GALNS: variants seen among roughly 807,000 people sequenced by gnomAD.
GALNS encodes galactosamine (N-acetyl)-6-sulfatase.
Under a neutral mutation model 65.9 loss-of-function variants are expected in GALNS, and 65 were observed. The observed-to-expected ratio is 0.99, with a 90% CI of 0.81 to 1.21. The LOEUF is 1.21. Among genes scored for constraint, GALNS ranks in the 50% most tolerant of loss-of-function variants. The probability of loss-of-function intolerance (pLI) is 0.00; values close to 1 mark genes in which losing one functional copy is unlikely to be tolerated. For synonymous variants in GALNS, 346 were observed against 288.9 expected, an observed-to-expected ratio of 1.20 and a Z score of -2.00; for missense variants, 776 against 700.7, an observed-to-expected ratio of 1.11 and a Z score of -1.21.
intron 1 of GALNS, chr16:88,855,890 T>A (rs1245824153): frequency 1.9e-6 from 1 of 517,040 alleles, no homozygotes. Context: ...CCCAAAACTG[T>A]CTGGTACTCG....
rs1477657717 is a variant in GALNS, at chr16:88,835,285, G to T, written c.826C>A (p.His276Asn). 5 of 1,613,042 alleles carry T rather than the reference G, an allele frequency of 3.1e-6. No individual in the cohort carries two copies. The highest frequency in any genetic ancestry group is 4.2e-6 in the Non-Finnish European group (5 of 1,179,652). Residue 276 changes from histidine (H) to asparagine (N), a missense_variant, in exon 8 of 14, where the codon CAC becomes AAC. Transcript: ENST00000268695. ...AAGACGAAGGTGTTGTCCGCGACGTGCAGGTCTTGGAGGAGCTCCAGTATC... is the reference window on the plus strand; with the variant it reads ...AAGACGAAGGTGTTGTCCGCGACGTTCAGGTCTTGGAGGAGCTCCAGTATC... ...GKILELLQDL[H>N]VADNTFVFFT... is the part of the protein sequence containing the mutation.
At chr16:88,816,046 C>T in intron 13 of GALNS, 1 of 985,422 alleles carries the variant, frequency 1.0e-6, no homozygotes, top group Middle Eastern at 5.2e-4. Flanking sequence ...CGTGTCTGTG[C>T]ATCTCCCCCA....
chr16:88,848,318 G>A lies in GALNS; in HGVS notation c.121-5489C>T, dbSNP rs141590454. On this transcript the variant is annotated intron_variant, in intron 1 of 13. Transcript: ENST00000268695. ...CCGCACACTTTCACCAGCGAATTCC[G>A]TCTCAGTAAAGCGGCTATAAAAGAA... Among the ~76,000 whole-genome samples the A allele has an allele frequency of 6.1e-3, 936 of 152,234 alleles. 10 individuals are homozygous for A. Among genetic ancestry groups the A allele is most frequent in the African/African-American group, 0.022 (905 of 41,534 alleles).
chr16:88,854,666 G>A (rs1290766663), intron 1 of GALNS, among the ~76,000 whole-genome samples: 4 of 152,244 alleles, frequency 2.6e-5, no homozygotes, highest in African/African-American at 9.6e-5. Flanking sequence ...CTGACTGCAG[G>A]GGTGACTTGG....
chr16:88,841,752 T>C lies in GALNS; in HGVS notation c.319+145A>G, dbSNP rs995464491. ...GGAAGCCAGCTAGGGGGGCCTGCAC[T>C]TCCACCTAAGTCCCAGAGACCCAGG... On this transcript the variant is annotated intron_variant, in intron 3 of 13. Coordinates refer to ENST00000268695, the MANE Select transcript of GALNS (RefSeq NM_000512.5). 1.1e-5 allele frequency: 8 copies of C among 757,012 alleles called. No homozygotes were observed. In the African/African-American group the frequency reaches 1.4e-4, roughly 13 times the overall value. The allele number at this position is 757,012 out of a possible 1,614,324, so 46.9% of individuals were successfully genotyped here.
intron 1 of GALNS, among the ~76,000 whole-genome samples, chr16:88,854,347 G>C (rs1439047337): frequency 6.6e-6 from 1 of 152,228 alleles, no homozygotes; most frequent in Non-Finnish European, 1.5e-5. Context: ...CAGCCTGTGA[G>C]GACCCCCTTG....
At chr16:88,851,438 T>C (rs965299821) in intron 1 of GALNS, among the ~76,000 whole-genome samples, 5 of 151,878 alleles carry the variant, frequency 3.3e-5, no homozygotes, top group African/African-American at 1.2e-4. Flanking sequence ...GCTCCCAGCG[T>C]GATTGACGCA....
intron 11 of GALNS, among the ~76,000 whole-genome samples, chr16:88,823,678 G>A (rs1910492731): frequency 9.8e-6 from 1 of 102,164 alleles, no homozygotes. Flanking sequence ...TGCCCAGGAC[G>A]GCCCTCGCAG....
rs1411723579 is a variant in GALNS, at chr16:88,814,496, T to C, written c.1512A>G (p.Leu504=). The change falls in exon 14 of 14, where the codon TTA becomes TTG. Residue 504 remains leucine (L), a synonymous_variant. Coordinates refer to ENST00000268695, the MANE Select transcript of GALNS (RefSeq NM_000512.5). ...ATTCTGGAGGTGTCAGACACTTCCC[T>C]AACTTTTCACAGCCCGGAGGTGCCC... ...MNWAPPGCEK[L]GKCLTPPESI... is the part of the protein sequence containing the mutation. 2 of 1,561,546 alleles carry C rather than the reference T, an allele frequency of 1.3e-6. No homozygotes were observed. Among genetic ancestry groups the C allele is most frequent in the Admixed American group, 3.8e-5 (2 of 52,202 alleles).
At position 88,852,618 on chromosome 16, in the gene GALNS, A is replaced by G. The variant is rs112576722; in HGVS notation, c.120+4140T>C. On this transcript the variant is annotated intron_variant, in intron 1 of 13. Transcript: ENST00000268695. ...AGAGGAAGATGTTTGAATCCATGGT[A>G]AGGAAGCTAAAAACCTTGAAAAAAG... is the stretch of plus-strand genomic sequence containing the variant. Among the ~76,000 whole-genome samples the G allele has an allele frequency of 4.5e-3, 681 of 152,358 alleles. 3 individuals are homozygous for G. Among genetic ancestry groups the G allele is most frequent in the African/African-American group, 0.015 (637 of 41,582 alleles).
intron 4 of GALNS, among the ~76,000 whole-genome samples, chr16:88,839,268 C>A (rs1454939410): frequency 1.3e-5 from 2 of 149,296 alleles, no homozygotes; most frequent in South Asian, 2.1e-4. Context: ...CACCGCCCGG[C>A]CACAGGGGAC....
chr16:88,851,676 G>C lies in GALNS; in HGVS notation c.120+5082C>G, dbSNP rs776310099. ...CGCCCAAATAGTGCGCTTTTCCAACGGTCTTAGCTAACGACACACCAGGAG... is the reference window on the plus strand; with the variant it reads ...CGCCCAAATAGTGCGCTTTTCCAACCGTCTTAGCTAACGACACACCAGGAG... On this transcript the variant is annotated intron_variant, in intron 1 of 13. Transcript: ENST00000268695. 2.6e-5 allele frequency among the ~76,000 whole-genome samples: 4 copies of C among 152,232 alleles called. 1 individual carries two copies. The highest frequency in any genetic ancestry group is 6.3e-3 in the Middle Eastern group (2 of 316).
intron 1 of GALNS, chr16:88,855,497 G>T (rs1378117815): frequency 1.4e-6 from 1 of 702,672 alleles, no homozygotes; most frequent in African/African-American, 1.7e-5. Context: ...CCTGGGCGCT[G>T]GAGAGCGTGC....
intron 9 of GALNS, among the ~76,000 whole-genome samples, chr16:88,829,876 G>C (rs988341959): frequency 1.3e-5 from 2 of 152,190 alleles, no homozygotes; most frequent in Admixed American, 1.3e-4. Context: ...AGCGAGGCTC[G>C]AAACAGGGAG....
At chr16:88,815,574 C>A in intron 13 of GALNS, 1 of 985,492 alleles carries the variant, frequency 1.0e-6, no homozygotes, top group Non-Finnish European at 1.2e-6. Flanking sequence ...CTAAGAGGAG[C>A]CTTCTTGGCT....
intron 1 of GALNS, among the ~76,000 whole-genome samples, chr16:88,852,800 A>C (rs1967567855): frequency 6.6e-6 from 1 of 152,218 alleles, no homozygotes; most frequent in Non-Finnish European, 1.5e-5. Flanking sequence ...TTGAAGATCA[A>C]ATTAATTAGC....
At chr16:88,823,685 G>A (rs1486230294) in intron 11 of GALNS, among the ~76,000 whole-genome samples, 1 of 110,320 alleles carries the variant, frequency 9.1e-6, no homozygotes, top group Admixed American at 8.6e-5. Flanking sequence ...GACGGCCCTC[G>A]CAGGCGGCAA....
At chr16:88,846,121 T>A (rs2143007241) in intron 1 of GALNS, among the ~76,000 whole-genome samples, 1 of 152,278 alleles carries the variant, frequency 6.6e-6, no homozygotes, top group South Asian at 2.1e-4. Context: ...GAACAGAAAT[T>A]TGGTTAAATA....
intron 9 of GALNS, 72 bp from the exon 10 acceptor site, chr16:88,826,910 G>C (rs926974244): frequency 3.3e-6 from 5 of 1,531,626 alleles, no homozygotes; most frequent in Non-Finnish European, 4.4e-6. Flanking sequence ...CAATCCCTGG[G>C]GGGGCGTGAG....
Sources: gnomAD v4.1 joint callset for allele counts (sites outside exome capture counted in the v4.1 genomes callset) on GRCh38, gnomAD v4.1.1 for gene constraint, MANE v1.5 for transcripts, NCBI Gene and HGNC (gene_info 2026-07-23, HGNC 2026-07-21) for gene names.